The following STX8 variants were observed in gnomAD, a reference collection of about 807,000 sequenced individuals.
STX8 encodes syntaxin 8, also known as syntaxin-8.
In STX8, 23 loss-of-function variants were observed where a neutral mutation model predicts 37.5. The observed-to-expected ratio is 0.61, with a 90% confidence interval of 0.44 to 0.87. The LOEUF (loss-of-function observed/expected upper bound fraction) is 0.87. STX8 is among the 40% of genes least tolerant of loss of function. STX8 has a pLI of 0.00. For synonymous variants in STX8, 115 were observed against 99.1 expected, an observed-to-expected ratio of 1.16 and a Z score of -0.95; for missense variants, 313 against 284.7, an observed-to-expected ratio of 1.10 and a Z score of -0.71.
chr17:9,418,516 TAAA>T (rs71361891), intron 6 of STX8, among the ~76,000 whole-genome samples: 1 of 114,956 alleles, frequency 8.7e-6, no homozygotes. Context: ...TCCGTTTTTC[TAAA>T]AAAAAAAAAA....
intron 6 of STX8, among the ~76,000 whole-genome samples, chr17:9,470,812 C>T (rs376223452): frequency 2.6e-5 from 4 of 151,982 alleles, no homozygotes; most frequent in Admixed American, 1.3e-4. Flanking sequence ...CTGCAAGCTC[C>T]GCCTCCCAGG....
chr17:9,426,758 T>C (rs1345007444), intron 6 of STX8, among the ~76,000 whole-genome samples: 7 of 152,122 alleles, frequency 4.6e-5, no homozygotes, highest in Admixed American at 3.9e-4. Flanking sequence ...CGAGACTGTC[T>C]CAAAAAATAA....
intron 7 of STX8, among the ~76,000 whole-genome samples, chr17:9,367,991 CAA>C (rs199568602): frequency 0.015 from 2,321 of 152,234 alleles, 110 homozygotes; most frequent in South Asian, 0.092. Context: ...CTCAGCTTCC[CAA>C]AGAGTTGGGA....
chr17:9,285,757 C>G (rs1418405615), intron 7 of STX8, among the ~76,000 whole-genome samples: 1 of 152,176 alleles, frequency 6.6e-6, no homozygotes, highest in Non-Finnish European at 1.5e-5. Flanking sequence ...GTACATGTAC[C>G]AATGCCTGGT....
rs191151165 is a variant in STX8, at chr17:9,549,164, G to T, written c.213-3882C>A. ...AGGATAGAATAAGGAAGAGAAAGAG[G>T]AGTCATTGGTAATAACTAATGAGAA... On this transcript the variant is annotated intron_variant, in intron 3 of 7. Transcript: ENST00000306357. 8.5e-5 allele frequency among the ~76,000 whole-genome samples: 13 copies of T among 152,290 alleles called. No homozygotes were observed. The East Asian group carries it at 2.5e-3, about 29-fold the overall frequency.
intron 7 of STX8, among the ~76,000 whole-genome samples, chr17:9,362,864 TA>T (rs1308501042): frequency 2.4e-4 from 36 of 149,310 alleles, no homozygotes; most frequent in Non-Finnish European, 1.5e-4. Flanking sequence ...AATAAATAAA[TA>T]ATCTCTTTCT....
At chr17:9,386,025 C>T (rs770897405) in intron 6 of STX8, among the ~76,000 whole-genome samples, 6 of 150,502 alleles carry the variant, frequency 4.0e-5, no homozygotes, top group African/African-American at 9.7e-5. Flanking sequence ...CCACCTGCCT[C>T]GGCTGGGATT....
intron 6 of STX8, among the ~76,000 whole-genome samples, chr17:9,489,481 C>G (rs1262149299): frequency 6.6e-6 from 1 of 152,096 alleles, no homozygotes; most frequent in Non-Finnish European, 1.5e-5. Context: ...CTTAGTAAAT[C>G]ATCCCACCAA....
intron 6 of STX8, among the ~76,000 whole-genome samples, chr17:9,444,558 G>A (rs1779836380): frequency 6.6e-6 from 1 of 152,178 alleles, no homozygotes; most frequent in Non-Finnish European, 1.5e-5. Context: ...TTCATCTTGA[G>A]CTTGGAGAAG....
chr17:9,519,144 C>A (rs1905248416), intron 4 of STX8, among the ~76,000 whole-genome samples: 1 of 152,114 alleles, frequency 6.6e-6, no homozygotes, highest in Non-Finnish European at 1.5e-5. Context: ...AATCACGGTG[C>A]TAAACAGACT....
chr17:9,433,691 C>A (rs975739445), intron 6 of STX8, among the ~76,000 whole-genome samples: 12 of 148,980 alleles, frequency 8.1e-5, no homozygotes, highest in African/African-American at 3.0e-4. Context: ...TTCAGGGGGT[C>A]ACAGATATTA....
At chr17:9,539,298 G>A (rs1040464428) in intron 4 of STX8, among the ~76,000 whole-genome samples, 2 of 152,042 alleles carry the variant, frequency 1.3e-5, no homozygotes, top group Non-Finnish European at 2.9e-5. Context: ...CCTCGGGAAT[G>A]AGGGATGGGG....
intron 6 of STX8, among the ~76,000 whole-genome samples, chr17:9,382,427 GA>G (rs1555603513): frequency 1.3e-5 from 2 of 151,980 alleles, no homozygotes; most frequent in Non-Finnish European, 2.9e-5. Flanking sequence ...TATCACGCAA[GA>G]TTTTTTTTCT....
chr17:9,441,926 C>T (rs989717611), intron 6 of STX8, among the ~76,000 whole-genome samples: 2 of 151,902 alleles, frequency 1.3e-5, no homozygotes, highest in Admixed American at 6.6e-5. Context: ...CCGCCCACCT[C>T]GGCCTCCCAA....
intron 6 of STX8, among the ~76,000 whole-genome samples, chr17:9,399,587 CG>C (rs986997330): frequency 4.6e-5 from 7 of 152,140 alleles, no homozygotes; most frequent in African/African-American, 1.7e-4. Context: ...GAGATCCGGC[CG>C]GGTGCGGTGG....
intron 7 of STX8, among the ~76,000 whole-genome samples, chr17:9,346,061 A>G (rs1461522618): frequency 1.3e-5 from 2 of 152,012 alleles, no homozygotes; most frequent in African/African-American, 4.8e-5. Flanking sequence ...CATGTTGGCC[A>G]GGCTGGTCTC....
intron 7 of STX8, among the ~76,000 whole-genome samples, chr17:9,310,105 G>A (rs781719189): frequency 1.1e-4 from 16 of 152,038 alleles, no homozygotes; most frequent in Non-Finnish European, 1.9e-4. Context: ...GTAACCATGA[G>A]CTGGAGACAG....
At chr17:9,327,116 C>T (rs145842690) in intron 7 of STX8, among the ~76,000 whole-genome samples, 167 of 150,114 alleles carry the variant, frequency 1.1e-3, no homozygotes, top group African/African-American at 3.9e-3. Flanking sequence ...GAGATCACGC[C>T]ATTGCACTCC....
chr17:9,275,311 G>A (rs1259025205), intron 7 of STX8, among the ~76,000 whole-genome samples: 1 of 152,062 alleles, frequency 6.6e-6, no homozygotes, highest in Admixed American at 6.5e-5. Context: ...GAGCTCTTCT[G>A]CCTTCCTATT....
Sources: allele counts gnomAD v4.1 joint callset (sites outside exome capture counted in the v4.1 genomes callset), GRCh38; gene constraint gnomAD v4.1.1; transcripts MANE v1.5; gene names NCBI Gene and HGNC (gene_info 2026-07-23, HGNC 2026-07-21).